Variants in ZBTB20 observed in about 807,000 individuals in gnomAD.
ZBTB20 encodes zinc finger and BTB domain-containing protein 20.
Under a neutral mutation model 56.9 loss-of-function variants are expected in ZBTB20, and 9 were observed. The observed-to-expected ratio is 0.16, with a 90% CI of 0.10 to 0.28. The LOEUF (loss-of-function observed/expected upper bound fraction) is 0.28. Ranked by LOEUF, ZBTB20 falls within the 10% of genes least tolerant of loss-of-function variation. ZBTB20 has a pLI of 1.00. For missense variants in ZBTB20, 655 were observed against 1,003.0 expected (o/e 0.65, Z 4.69); for synonymous variants, 417 against 420.7 (o/e 0.99, Z 0.11).
At chr3:114,426,287 G>A (rs930038409) in intron 7 of ZBTB20, among the ~76,000 whole-genome samples, 11 of 143,838 alleles carry the variant, frequency 7.6e-5, no homozygotes, top group African/African-American at 2.7e-4. Context: ...GTAGTGAGCC[G>A]AGATCGCGCC....
intron 1 of ZBTB20, among the ~76,000 whole-genome samples, chr3:115,101,014 T>C (rs949373020): frequency 6.6e-5 from 10 of 152,168 alleles, no homozygotes; most frequent in African/African-American, 2.4e-4. Context: ...CAAAACAGAA[T>C]TAAGCTTAAT....
chr3:114,552,149 G>C (rs1320569445), intron 6 of ZBTB20, among the ~76,000 whole-genome samples: 1 of 152,174 alleles, frequency 6.6e-6, no homozygotes, highest in Non-Finnish European at 1.5e-5. Flanking sequence ...GAAGGTGGAG[G>C]CTGCAGTGAG....
chr3:114,858,095 T>C (rs902531629), intron 4 of ZBTB20, among the ~76,000 whole-genome samples: 3 of 152,226 alleles, frequency 2.0e-5, no homozygotes, highest in African/African-American at 7.2e-5. Context: ...GTGTGAGGTC[T>C]TCATTCATAA....
chr3:114,916,766 C>T (rs2075760931), intron 3 of ZBTB20, among the ~76,000 whole-genome samples: 1 of 152,076 alleles, frequency 6.6e-6, no homozygotes, highest in Non-Finnish European at 1.5e-5. Flanking sequence ...ATGCCAGATG[C>T]TCTGTTGTAT....
intron 5 of ZBTB20, among the ~76,000 whole-genome samples, chr3:114,757,609 T>C (rs965548509): frequency 1.3e-5 from 2 of 152,150 alleles, no homozygotes; most frequent in Non-Finnish European, 2.9e-5. Context: ...TTAAGGAGGC[T>C]GCCTCTTGAA....
rs3796252 is a variant in ZBTB20 at position 114,316,595 on chromosome 3, G to A, written c.*22410C>T. On this transcript the variant is annotated 3_prime_UTR_variant, in exon 12 of 12. Coordinates refer to ENST00000675478, the MANE Select transcript of ZBTB20 (RefSeq NM_001348800.3). Reference sequence around the variant, plus strand: ...GTTTCAACTGGAGATAAACTGAACTGGGTTCAGACACTAGCACATGCTTAA... The same window carrying A: ...GTTTCAACTGGAGATAAACTGAACTAGGTTCAGACACTAGCACATGCTTAA... 9.4e-5 allele frequency: 50 copies of A among 532,834 alleles called. No individual in the cohort carries two copies. In the East Asian group the frequency reaches 2.7e-3, roughly 29 times the overall value. 33.0% of individuals were successfully genotyped at this position (532,834 alleles called of 1,614,324 possible).
chr3:115,011,019 T>C (rs1319320293), intron 2 of ZBTB20, among the ~76,000 whole-genome samples: 1 of 151,824 alleles, frequency 6.6e-6, no homozygotes, highest in Non-Finnish European at 1.5e-5. Context: ...CTAAAGAATG[T>C]CTCAGAGTCC....
At chr3:115,023,377 T>G (rs980275535) in intron 2 of ZBTB20, among the ~76,000 whole-genome samples, 4 of 150,896 alleles carry the variant, frequency 2.7e-5, no homozygotes, top group African/African-American at 9.7e-5. Context: ...CTCTCTTTTT[T>G]TGTTTTGTTT....
At chr3:114,965,278 C>T (rs1259473744) in intron 3 of ZBTB20, among the ~76,000 whole-genome samples, 2 of 152,096 alleles carry the variant, frequency 1.3e-5, no homozygotes, top group Admixed American at 1.3e-4. Context: ...ATTTTTAACG[C>T]ATGCCTTACT....
chr3:114,585,297 T>A (rs1487880765), intron 6 of ZBTB20, among the ~76,000 whole-genome samples: 1 of 152,096 alleles, frequency 6.6e-6, no homozygotes, highest in Admixed American at 6.5e-5. Flanking sequence ...GACAAGAGCA[T>A]GGGTCTGATT....
chr3:114,672,994 T>G (rs1248456211), intron 6 of ZBTB20, among the ~76,000 whole-genome samples: 1 of 152,152 alleles, frequency 6.6e-6, no homozygotes, highest in Non-Finnish European at 1.5e-5. Flanking sequence ...CACTCCCAAG[T>G]GATTTCCATA....
Position 114,350,779 on chromosome 3 carries a change from C to T in ZBTB20, c.1299G>A (p.Pro433=), listed in dbSNP as rs778711177. 8.1e-6 allele frequency: 13 copies of T among 1,614,110 alleles called. No individual in the cohort carries two copies. In the East Asian group the frequency reaches 2.2e-4, roughly 28 times the overall value. ...TNQLETGASS[P]ERSNEVEMDS... Reference sequence around the variant, plus strand: ...CCATCTCCACTTCATTGCTTCTCTCCGGAGAGGAAGCACCTGTTTCTAGCT... The same window carrying T: ...CCATCTCCACTTCATTGCTTCTCTCTGGAGAGGAAGCACCTGTTTCTAGCT... The change falls in exon 11 of 12, where the codon CCG becomes CCA. Residue 433 remains proline, a synonymous_variant. Coordinates refer to ENST00000675478, the MANE Select transcript of ZBTB20 (RefSeq NM_001348800.3).
In ZBTB20 at chr3:114,330,610, T is replaced by C. The variant is rs1560073376; in HGVS notation, c.*8395A>G. 1 of 152,174 alleles carries C rather than the reference T, an allele frequency of 6.6e-6. No individual in the cohort carries two copies. Among genetic ancestry groups the C allele is most frequent in the Admixed American group, 6.5e-5 (1 of 15,280 alleles). 9.4% of individuals were successfully genotyped at this position (152,174 alleles called of 1,614,324 possible). A position where few individuals can be genotyped will look rare whatever the true frequency, so the allele number is the denominator to read the frequency against. On this transcript the variant is annotated 3_prime_UTR_variant, in exon 12 of 12. Coordinates refer to ENST00000675478, the MANE Select transcript of ZBTB20 (RefSeq NM_001348800.3). Reference sequence around the variant, plus strand: ...TACAGTTACAGACTTCTTTTGGATATAGAAAGACAATATACATTTTAAAAA... The same window carrying C: ...TACAGTTACAGACTTCTTTTGGATACAGAAAGACAATATACATTTTAAAAA...
At chr3:115,000,685 T>C (rs2079210226) in intron 2 of ZBTB20, among the ~76,000 whole-genome samples, 2 of 151,658 alleles carry the variant, frequency 1.3e-5, no homozygotes, top group African/African-American at 4.8e-5. Context: ...GTGCGACTCA[T>C]AAACATTTAA....
intron 4 of ZBTB20, among the ~76,000 whole-genome samples, chr3:114,823,256 G>A (rs1318720833): frequency 6.6e-6 from 1 of 152,056 alleles, no homozygotes; most frequent in Non-Finnish European, 1.5e-5. Context: ...ATGTAGGGAG[G>A]GCATCCAGCT....
At chr3:115,045,371 GTA>G (rs1207884670) in intron 2 of ZBTB20, among the ~76,000 whole-genome samples, 1 of 151,772 alleles carries the variant, frequency 6.6e-6, no homozygotes, top group African/African-American at 2.4e-5. Flanking sequence ...TAATTTTCCC[GTA>G]GTGGCCGAAT....
At chr3:114,743,814 A>G (rs1049303660) in intron 5 of ZBTB20, 1 of 151,996 alleles carries the variant, frequency 6.6e-6, no homozygotes, top group Admixed American at 6.6e-5. Flanking sequence ...TAAAATTGTT[A>G]TTTTTTTTAC....
chr3:114,521,202 T>G (rs1241936355), intron 6 of ZBTB20, among the ~76,000 whole-genome samples: 2 of 152,108 alleles, frequency 1.3e-5, no homozygotes, highest in Non-Finnish European at 2.9e-5. Flanking sequence ...GACAAAAAAA[T>G]TTGGGACCTC....
chr3:114,609,250 T>A (rs2057378728), intron 6 of ZBTB20, among the ~76,000 whole-genome samples: 1 of 152,220 alleles, frequency 6.6e-6, no homozygotes, highest in African/African-American at 2.4e-5. Context: ...TCACTTCTTT[T>A]GCAACAATTC....
Sources: allele counts gnomAD v4.1 joint callset (sites outside exome capture counted in the v4.1 genomes callset), GRCh38; gene constraint gnomAD v4.1.1; transcripts MANE v1.5; gene names NCBI Gene and HGNC (gene_info 2026-07-23, HGNC 2026-07-21).